The following ELP3 variants were observed in gnomAD, a reference collection of about 807,000 sequenced individuals.
ELP3 encodes elongator complex protein 3.
A neutral mutation model predicts 74.9 loss-of-function variants in ELP3; 56 were observed. The observed-to-expected ratio is 0.75, with a 90% CI of 0.60 to 0.93. The LOEUF (loss-of-function observed/expected upper bound fraction) is 0.93. Among genes scored for constraint, ELP3 ranks in the 40% least tolerant of loss-of-function variants. The pLI is 0.00. For synonymous variants in ELP3, 222 were observed against 239.8 expected, an observed-to-expected ratio of 0.93 and a Z score of 0.68; for missense variants, 573 against 686.5, an observed-to-expected ratio of 0.83 and a Z score of 1.85.
chr8:28,137,628 G>A, intron 9 of ELP3, 70 bp from the exon 10 acceptor site: 1 of 1,488,366 alleles, frequency 6.7e-7, no homozygotes, highest in South Asian at 1.2e-5. Flanking sequence ...AGCTGTCAGG[G>A]GTTGAGATTT....
In ELP3 at chr8:28,137,761, C is replaced by G; in HGVS notation, c.970C>G (p.Arg324Gly). 2 of 1,614,072 alleles carry G rather than the reference C, an allele frequency of 1.2e-6. No homozygotes were observed. Among genetic ancestry groups the G allele is most frequent in the Non-Finnish European group, 1.7e-6 (2 of 1,180,012 alleles). ...GAAACTCTATCCTACCCTGGTGATT[C>G]GTGGGACCGGGCTTTATGAGCTTTG... ...GLKLYPTLVIRGTGLYELWKS... is the reference protein window; with the variant it reads ...GLKLYPTLVIGGTGLYELWKS... Residue 324 changes from arginine (R) to glycine (G), a missense_variant, in exon 10 of 15, where the codon CGT becomes GGT. Transcript: ENST00000256398.
intron 14 of ELP3, among the ~76,000 whole-genome samples, chr8:28,183,455 G>A (rs932401219): frequency 6.6e-6 from 1 of 152,018 alleles, no homozygotes; most frequent in Non-Finnish European, 1.5e-5. Flanking sequence ...AGAGAGTCTC[G>A]CTGTGTCCCC....
intron 2 of ELP3, among the ~76,000 whole-genome samples, chr8:28,098,620 C>T (rs901808338): frequency 6.6e-6 from 1 of 152,250 alleles, no homozygotes; most frequent in African/African-American, 2.4e-5. Context: ...ACTCGCCCCT[C>T]CTCAGATGTC....
At chr8:28,094,184 C>T (rs59497557) in intron 1 of ELP3, among the ~76,000 whole-genome samples, 25,515 of 152,118 alleles carry the variant, frequency 0.17, 2,737 homozygotes, top group East Asian at 0.31. Flanking sequence ...TCTCAATCTA[C>T]CAGGATTCTT....
chr8:28,183,385 C>T, intron 14 of ELP3: 2 of 366,156 alleles, frequency 5.5e-6, no homozygotes, highest in South Asian at 4.1e-5. Context: ...GATGAGTGAA[C>T]TTGGGAGGAT....
chr8:28,108,188 ATACT>A (rs1486851395), intron 5 of ELP3, among the ~76,000 whole-genome samples: 2 of 152,216 alleles, frequency 1.3e-5, no homozygotes, highest in African/African-American at 4.8e-5. Flanking sequence ...AGCATAAATA[ATACT>A]TACTTCTTAT....
Position 28,189,836 on chromosome 8 carries a change from C to A in ELP3, c.*111C>A. ...GAGCAGAGCAAATGGGGGGCTTCAC[C>A]CTCATCCCGCAGCTGCAGAGACTGG... On this transcript the variant is annotated 3_prime_UTR_variant, in exon 15 of 15. Transcript: ENST00000256398. 8.6e-7 allele frequency: 1 copy of A among 1,163,228 alleles called. No individual in the cohort carries two copies. Among genetic ancestry groups the A allele is most frequent in the Non-Finnish European group, 1.3e-6 (1 of 797,190 alleles). 72.1% of individuals were successfully genotyped at this position (1,163,228 alleles called of 1,614,324 possible).
At chr8:28,174,353 T>C (rs1814656265) in intron 14 of ELP3, among the ~76,000 whole-genome samples, 1 of 152,158 alleles carries the variant, frequency 6.6e-6, no homozygotes, top group Admixed American at 6.5e-5. Context: ...AATGGTCTTC[T>C]GTCTCTTGTA....
chr8:28,166,207 T>C lies in ELP3; in HGVS notation c.1567+4129T>C, dbSNP rs351764. 4.3e-3 allele frequency among the ~76,000 whole-genome samples: 654 copies of C among 152,318 alleles called. 3 individuals are homozygous for C. The highest frequency in any genetic ancestry group is 0.015 in the African/African-American group (608 of 41,560). Reference sequence around the variant, plus strand: ...CTGCGTGAACGTTCGTGTTGGGCTATAGGAAACTCACCCACCTTCCCCTCG... The same window carrying C: ...CTGCGTGAACGTTCGTGTTGGGCTACAGGAAACTCACCCACCTTCCCCTCG... On this transcript the variant is annotated intron_variant, in intron 14 of 14. Transcript: ENST00000256398.
intron 7 of ELP3, among the ~76,000 whole-genome samples, chr8:28,117,920 A>G (rs1043205897): frequency 6.6e-6 from 1 of 152,228 alleles, no homozygotes; most frequent in Non-Finnish European, 1.5e-5. Flanking sequence ...TGTGAAATAA[A>G]AAGCAGCCCA....
intron 10 of ELP3, among the ~76,000 whole-genome samples, chr8:28,143,090 CA>C (rs1246926985): frequency 2.0e-5 from 3 of 152,106 alleles, no homozygotes; most frequent in Non-Finnish European, 4.4e-5. Flanking sequence ...AAAAATGATT[CA>C]GATTTATTTT....
intron 14 of ELP3, among the ~76,000 whole-genome samples, chr8:28,178,235 A>G (rs947819084): frequency 6.6e-6 from 1 of 152,176 alleles, no homozygotes; most frequent in Non-Finnish European, 1.5e-5. Context: ...TCTTAATACT[A>G]TTGCATTGGG....
intron 7 of ELP3, among the ~76,000 whole-genome samples, chr8:28,116,413 G>A (rs1812135766): frequency 6.6e-6 from 1 of 152,164 alleles, no homozygotes; most frequent in Non-Finnish European, 1.5e-5. Flanking sequence ...AGTAATAGAG[G>A]AGATGGCGAC....
At chr8:28,156,067 T>C (rs1433365349) in intron 11 of ELP3, 35 bp downstream of exon 11, 30 of 1,547,216 alleles carry the variant, frequency 1.9e-5, no homozygotes, top group African/African-American at 2.7e-5. Context: ...CCACAACTGT[T>C]GAGAAAAAGA....
Position 28,189,777 on chromosome 8 carries a change from A to G in ELP3, c.*52A>G. ...GTATCCTCCCTGGCAGAACACGGAG[A>G]ATCAGGATTTCTTAAATACTCAACA... On this transcript the variant is annotated 3_prime_UTR_variant, in exon 15 of 15. Coordinates refer to ENST00000256398, the MANE Select transcript of ELP3 (RefSeq NM_018091.6). 6.4e-7 allele frequency: 1 copy of G among 1,571,280 alleles called. No homozygotes were observed. Among genetic ancestry groups the G allele is most frequent in the Non-Finnish European group, 8.8e-7 (1 of 1,141,590 alleles).
Position 28,189,743 on chromosome 8 carries a change from T to G in ELP3, c.*18T>G. On this transcript the variant is annotated 3_prime_UTR_variant, in exon 15 of 15. Transcript: ENST00000256398. ...TGAAATAATGGCCACACCAGTCCACTCTTCTGCAGTATCCTCCCTGGCAGA... is the reference window on the plus strand; with the variant it reads ...TGAAATAATGGCCACACCAGTCCACGCTTCTGCAGTATCCTCCCTGGCAGA... The G allele has an allele frequency of 6.2e-7, 1 of 1,609,652 alleles. No individual in the cohort carries two copies. The highest frequency in any genetic ancestry group is 8.5e-7 in the Non-Finnish European group (1 of 1,175,930).
At chr8:28,097,451 C>A in intron 2 of ELP3, 133 bp downstream of exon 2, 8 of 544,692 alleles carry the variant, frequency 1.5e-5, no homozygotes, top group South Asian at 2.7e-5. Flanking sequence ...CTTGCCTTGT[C>A]ATTCATTTCT....
intron 14 of ELP3, among the ~76,000 whole-genome samples, chr8:28,178,044 C>CA (rs1814833513): frequency 6.6e-6 from 1 of 152,170 alleles, no homozygotes; most frequent in South Asian, 2.1e-4. Flanking sequence ...ATCTTGCCTT[C>CA]TTTTTCATTT....
intron 14 of ELP3, among the ~76,000 whole-genome samples, chr8:28,173,930 G>A (rs1217087900): frequency 1.3e-5 from 2 of 151,754 alleles, no homozygotes; most frequent in Non-Finnish European, 2.9e-5. Flanking sequence ...TGTTATTCTA[G>A]TTTCATTTCT....
Sources: gnomAD v4.1 joint callset for allele counts (sites outside exome capture counted in the v4.1 genomes callset) on GRCh38, gnomAD v4.1.1 for gene constraint, MANE v1.5 for transcripts, NCBI Gene and HGNC (gene_info 2026-07-23, HGNC 2026-07-21) for gene names.